The following ASIC2 variants were observed in gnomAD, a reference collection of about 807,000 sequenced individuals.
ASIC2 encodes the protein acid-sensing ion channel 2.
Under a neutral mutation model 57.3 loss-of-function variants are expected in ASIC2, and 25 were observed. The observed-to-expected ratio is 0.44, with a 90% CI of 0.32 to 0.61. ASIC2 has a LOEUF of 0.61. Among genes scored for constraint, ASIC2 ranks in the 20% least tolerant of loss-of-function variants. The pLI is 0.06. For missense variants in ASIC2, 641 were observed against 738.1 expected, an observed-to-expected ratio of 0.87 and a Z score of 1.52; for synonymous variants, 319 against 307.5, an observed-to-expected ratio of 1.04 and a Z score of -0.39.
chr17:34,037,287 C>T (rs886280356), intron 1 of ASIC2: 24 of 204,114 alleles, frequency 1.2e-4, no homozygotes, highest in African/African-American at 5.3e-4. Context: ...AATCAGGGAC[C>T]CCCCTGAGTC....
At chr17:33,514,309 A>T (rs2141951106) in intron 1 of ASIC2, among the ~76,000 whole-genome samples, 1 of 152,254 alleles carries the variant, frequency 6.6e-6, no homozygotes, top group South Asian at 2.1e-4. Context: ...CTGAAATGAA[A>T]TGCACCACTG....
chr17:33,632,061 C>A (rs1450187772), intron 1 of ASIC2, among the ~76,000 whole-genome samples: 1 of 152,152 alleles, frequency 6.6e-6, no homozygotes, highest in Non-Finnish European at 1.5e-5. Context: ...AGGGACAGAA[C>A]TGGGTTCAAT....
intron 1 of ASIC2, among the ~76,000 whole-genome samples, chr17:33,286,560 C>T (rs1352186487): frequency 1.3e-5 from 2 of 152,280 alleles, no homozygotes; most frequent in African/African-American, 4.8e-5. Context: ...AGGCGCGGGG[C>T]CTAGAATGCA....
Position 33,619,187 on chromosome 17 carries a change from CTG to C in ASIC2, c.556-507122_556-507121del, listed in dbSNP as rs565526976. On this transcript the variant is annotated intron_variant, in intron 1 of 9. Transcript: ENST00000359872. Reference sequence around the variant, plus strand: ...GAGTCAAACTTGTCTGTAAATATAACTGTTTTTTAGATTCAGTTTCAATAATA... The same window carrying C: ...GAGTCAAACTTGTCTGTAAATATAACTTTTTTAGATTCAGTTTCAATAATA... 2.0e-4 allele frequency among the ~76,000 whole-genome samples: 31 copies of C among 152,256 alleles called. 1 individual carries two copies. The South Asian group carries it at 6.2e-3, about 31-fold the overall frequency.
chr17:33,029,995 A>G (rs936746493), intron 3 of ASIC2, among the ~76,000 whole-genome samples: 1 of 152,150 alleles, frequency 6.6e-6, no homozygotes, highest in African/African-American at 2.4e-5. Flanking sequence ...GGGTTGTAAG[A>G]GTTGTTCATA....
At chr17:33,485,346 A>C (rs1466106717) in intron 1 of ASIC2, among the ~76,000 whole-genome samples, 1 of 152,240 alleles carries the variant, frequency 6.6e-6, no homozygotes, top group East Asian at 1.9e-4. Flanking sequence ...AGTGAGAATC[A>C]GGGCTAGAAT....
At chr17:33,560,549 C>G (rs1204498558) in intron 1 of ASIC2, among the ~76,000 whole-genome samples, 2 of 152,092 alleles carry the variant, frequency 1.3e-5, no homozygotes, top group Non-Finnish European at 2.9e-5. Context: ...TTTAAATGTT[C>G]AGAGGAAAGC....
At chr17:33,096,951 C>T (rs2092182517) in intron 2 of ASIC2, among the ~76,000 whole-genome samples, 1 of 152,156 alleles carries the variant, frequency 6.6e-6, no homozygotes, top group Non-Finnish European at 1.5e-5. Flanking sequence ...GGCCAGCTAA[C>T]CATTTCGTTA....
intron 1 of ASIC2, among the ~76,000 whole-genome samples, chr17:33,226,609 C>T (rs1597639632): frequency 1.3e-5 from 2 of 152,268 alleles, no homozygotes; most frequent in South Asian, 2.1e-4. Flanking sequence ...ATATATAATC[C>T]ACTTATCTGT....
At chr17:33,879,830 T>C (rs1052104001) in intron 1 of ASIC2, among the ~76,000 whole-genome samples, 2 of 152,122 alleles carry the variant, frequency 1.3e-5, no homozygotes, top group African/African-American at 4.8e-5. Flanking sequence ...CCACACCTAT[T>C]CCAAAACTGA....
chr17:33,252,119 A>G (rs148195721), intron 1 of ASIC2, among the ~76,000 whole-genome samples: 1 of 152,122 alleles, frequency 6.6e-6, no homozygotes, highest in Admixed American at 6.5e-5. Context: ...ATCTTCTCCC[A>G]ATCAAGAGTG....
Position 33,474,553 on chromosome 17 carries a change from C to G in ASIC2, c.556-362486G>C, listed in dbSNP as rs145535834. ...GAAGAGAACTGATCTTGGAACCTAG[C>G]AACAGAGGGGCGTGCACAGCAGGCC... On this transcript the variant is annotated intron_variant, in intron 1 of 9. Coordinates refer to the ASIC2 transcript ENST00000359872. Among the ~76,000 whole-genome samples the G allele has an allele frequency of 2.6e-5, 4 of 152,274 alleles. No individual in the cohort carries two copies. In the East Asian group the frequency reaches 7.7e-4, roughly 29 times the overall value.
intron 1 of ASIC2, among the ~76,000 whole-genome samples, chr17:33,523,486 T>C (rs189924936): frequency 1.1e-4 from 17 of 152,302 alleles, no homozygotes; most frequent in African/African-American, 3.8e-4. Context: ...CTCGAACTCC[T>C]GGCCTCAAGT....
chr17:33,159,786 T>A (rs1458352139), intron 1 of ASIC2, among the ~76,000 whole-genome samples: 1 of 152,230 alleles, frequency 6.6e-6, no homozygotes, highest in Non-Finnish European at 1.5e-5. Context: ...TTGGATGAGT[T>A]ACTTAATCTT....
chr17:33,177,702 G>C (rs573966894), intron 1 of ASIC2, among the ~76,000 whole-genome samples: 10 of 152,310 alleles, frequency 6.6e-5, no homozygotes, highest in Admixed American at 2.6e-4. Flanking sequence ...TCAGTCTTAG[G>C]GGGTGGAGGC....
At position 33,610,356 on chromosome 17, in the gene ASIC2, C is replaced by T. The variant is rs1011088626; in HGVS notation, c.556-498289G>A. On this transcript the variant is annotated intron_variant, in intron 1 of 9. Transcript: ENST00000359872. ...ATTTATAGTAGAGACGGGGTTTCAC[C>T]GTGTTGGCCAGGCTGGTCTTGAACT... Among the ~76,000 whole-genome samples, 19 of 152,120 alleles carry T rather than the reference C, an allele frequency of 1.2e-4. No individual in the cohort carries two copies. The East Asian group carries it at 2.7e-3, about 22-fold the overall frequency.
chr17:33,267,240 C>A (rs927230715), intron 1 of ASIC2, among the ~76,000 whole-genome samples: 3 of 152,162 alleles, frequency 2.0e-5, no homozygotes, highest in Admixed American at 6.5e-5. Flanking sequence ...CTTACCCCCC[C>A]CAGGAAGCAA....
intron 1 of ASIC2, among the ~76,000 whole-genome samples, chr17:33,318,046 G>A (rs879572820): frequency 1.3e-5 from 2 of 152,070 alleles, no homozygotes; most frequent in African/African-American, 4.8e-5. Flanking sequence ...GCTGACGGTC[G>A]CATTTGGGTA....
chr17:33,842,019 C>A (rs1298767564), intron 1 of ASIC2, among the ~76,000 whole-genome samples: 1 of 151,994 alleles, frequency 6.6e-6, no homozygotes, highest in African/African-American at 2.4e-5. Context: ...AACATATCCG[C>A]CTTATGTATG....
Sources: gnomAD v4.1 joint callset for allele counts (sites outside exome capture counted in the v4.1 genomes callset) on GRCh38, gnomAD v4.1.1 for gene constraint, MANE v1.5 for transcripts, NCBI Gene and HGNC (gene_info 2026-07-23, HGNC 2026-07-21) for gene names.